The following PEX2 variants were observed in gnomAD, a reference collection of about 807,000 sequenced individuals.
PEX2 encodes the protein peroxisome biogenesis factor 2.
Under a neutral mutation model 25.2 loss-of-function variants are expected in PEX2, and 19 were observed. That is an observed-to-expected ratio of 0.75 (90% confidence interval 0.53 to 1.10). The LOEUF (loss-of-function observed/expected upper bound fraction) is 1.10, where lower values mean the gene tolerates loss of function less well. Among genes scored for constraint, PEX2 ranks in the 50% least tolerant of loss-of-function variants. PEX2 has a pLI of 0.00. For synonymous variants in PEX2, 141 were observed against 127.7 expected (o/e 1.10, Z -0.70); for missense variants, 347 against 350.6 (o/e 0.99, Z 0.08).
intron 1 of PEX2, among the ~76,000 whole-genome samples, chr8:76,997,310 T>C (rs992578921): frequency 6.6e-6 from 1 of 152,214 alleles, no homozygotes; most frequent in Admixed American, 6.5e-5. Flanking sequence ...AACTCATTCA[T>C]CTAACACTAA....
chr8:76,994,629 C>CT (rs34543653), intron 1 of PEX2, among the ~76,000 whole-genome samples: 48,658 of 151,924 alleles, frequency 0.32, 8,328 homozygotes, highest in East Asian at 0.47. Flanking sequence ...GTCCTGTAAA[C>CT]TTTGTCAGCA....
intron 3 of PEX2, among the ~76,000 whole-genome samples, chr8:76,984,621 C>T (rs1450251922): frequency 6.6e-6 from 1 of 152,096 alleles, no homozygotes; most frequent in African/African-American, 2.4e-5. Flanking sequence ...AATACAACAA[C>T]TATATAGAAC....
chr8:76,997,043 T>A (rs1807354167), intron 1 of PEX2, among the ~76,000 whole-genome samples: 1 of 152,178 alleles, frequency 6.6e-6, no homozygotes, highest in Non-Finnish European at 1.5e-5. Flanking sequence ...CCCTTCAAGA[T>A]CATTCAAAAG....
At chr8:76,993,153 C>A (rs1429742943) in intron 1 of PEX2, among the ~76,000 whole-genome samples, 1 of 152,116 alleles carries the variant, frequency 6.6e-6, no homozygotes, top group Non-Finnish European at 1.5e-5. Context: ...GAAGTGTCAA[C>A]CTAGCCACAT....
intron 1 of PEX2, among the ~76,000 whole-genome samples, chr8:76,993,328 T>C (rs1807228834): frequency 6.6e-6 from 1 of 152,210 alleles, no homozygotes; most frequent in African/African-American, 2.4e-5. Flanking sequence ...ACCAGATTTA[T>C]AGGATTCCTG....
rs764109249 is a variant in PEX2 at position 76,983,243 on chromosome 8, A to G, written c.*18T>C. 1.9e-6 allele frequency: 3 copies of G among 1,609,240 alleles called. No homozygotes were observed. In the Admixed American group the frequency reaches 5.0e-5, roughly 27 times the overall value. On this transcript the variant is annotated 3_prime_UTR_variant, in exon 4 of 4. Coordinates refer to ENST00000357039, the MANE Select transcript of PEX2 (RefSeq NM_000318.3). The stretch of plus-strand genomic sequence containing the variant: ...AAACACGGTGCATTTTTTTCCTCAA[A>G]GGAAGCAATTTTAGTTTCTAAAGAG...
intron 1 of PEX2, among the ~76,000 whole-genome samples, chr8:76,997,502 G>C (rs1171363448): frequency 1.3e-5 from 2 of 152,156 alleles, no homozygotes; most frequent in Admixed American, 6.5e-5. Flanking sequence ...TCGGGAGGCA[G>C]AGGTTACAGT....
intron 1 of PEX2, among the ~76,000 whole-genome samples, chr8:76,997,876 T>C (rs1390025068): frequency 1.3e-5 from 2 of 152,096 alleles, no homozygotes; most frequent in Admixed American, 6.6e-5. Flanking sequence ...GTAAAGAAAC[T>C]ACAGGGCTGG....
intron 1 of PEX2, among the ~76,000 whole-genome samples, chr8:76,993,879 T>C (rs1444307364): frequency 6.6e-6 from 1 of 152,174 alleles, no homozygotes; most frequent in Non-Finnish European, 1.5e-5. Context: ...TATATAAAAA[T>C]ATGTAACTAA....
intron 1 of PEX2, among the ~76,000 whole-genome samples, chr8:76,997,402 C>T (rs1415981386): frequency 6.6e-6 from 1 of 152,156 alleles, no homozygotes; most frequent in Non-Finnish European, 1.5e-5. Context: ...AACCCTGTCT[C>T]TACTAAAAAT....
chr8:76,994,017 T>G (rs139627874), intron 1 of PEX2, among the ~76,000 whole-genome samples: 89 of 151,138 alleles, frequency 5.9e-4, no homozygotes, highest in Middle Eastern at 3.4e-3. Context: ...AGGGTTCGTG[T>G]GATTAACTTG....
chr8:76,984,933 C>T (rs887333152), intron 3 of PEX2, among the ~76,000 whole-genome samples: 3 of 151,586 alleles, frequency 2.0e-5, no homozygotes, highest in Admixed American at 6.6e-5. Context: ...AAAATATATA[C>T]CACAATAATG....
Position 76,981,483 on chromosome 8 carries a change from C to T in PEX2, c.*1778G>A, listed in dbSNP as rs1586067422. ...TTCTCACCAAAAACAAACAAACAAA[C>T]AAAAAACAAAGACGTTTGTATATAT... On this transcript the variant is annotated 3_prime_UTR_variant, in exon 4 of 4. Coordinates refer to ENST00000357039, the MANE Select transcript of PEX2 (RefSeq NM_000318.3). The T allele has an allele frequency of 6.6e-6, 1 of 152,028 alleles. No individual in the cohort carries two copies. Among genetic ancestry groups the T allele is most frequent in the East Asian group, 1.9e-4 (1 of 5,176 alleles). The allele number at this position is 152,028 out of a possible 1,614,324, so 9.4% of individuals were successfully genotyped here.
rs1806999622 is a variant in PEX2 at position 76,986,305 on chromosome 8, A to C, written c.-127-9T>G. ...CTCATACTTGCCAGAAGCTACATAC[A>C]AAAAAGAATAAAGTTTAAAAGGGAG... is the stretch of plus-strand genomic sequence containing the variant. On this transcript the variant is annotated splice_polypyrimidine_tract_variant and intron_variant, in intron 2 of 3. Coordinates refer to ENST00000357039, the MANE Select transcript of PEX2 (RefSeq NM_000318.3). 1 of 152,200 alleles carries C rather than the reference A, an allele frequency of 6.6e-6. No individual in the cohort carries two copies. The highest frequency in any genetic ancestry group is 2.1e-4 in the South Asian group (1 of 4,832). The allele number at this position is 152,200 out of a possible 1,614,324, so 9.4% of individuals were successfully genotyped here. A position where few individuals can be genotyped will look rare whatever the true frequency, so the allele number is the denominator to read the frequency against.
intron 1 of PEX2, 54 bp downstream of exon 1, chr8:76,999,936 A>T (rs543954713): frequency 7.4e-5 from 34 of 456,676 alleles, no homozygotes; most frequent in African/African-American, 5.8e-4. Flanking sequence ...ACGACCTCCC[A>T]GCTGAAAACA....
At chr8:76,997,462 G>A (rs1015319440) in intron 1 of PEX2, among the ~76,000 whole-genome samples, 6 of 152,034 alleles carry the variant, frequency 3.9e-5, no homozygotes, top group African/African-American at 1.2e-4. Flanking sequence ...CCAGCTACTC[G>A]GGAGGCTGAG....
intron 1 of PEX2, among the ~76,000 whole-genome samples, chr8:76,991,678 TG>T (rs1807173651): frequency 6.6e-6 from 1 of 152,086 alleles, no homozygotes; most frequent in Admixed American, 6.6e-5. Context: ...TGTCACAGAG[TG>T]GAAAAAGCAG....
At chr8:76,993,435 A>G (rs1406790453) in intron 1 of PEX2, among the ~76,000 whole-genome samples, 1 of 152,124 alleles carries the variant, frequency 6.6e-6, no homozygotes, top group Non-Finnish European at 1.5e-5. Flanking sequence ...GAGGAAGACT[A>G]TACTATCCTT....
intron 1 of PEX2, among the ~76,000 whole-genome samples, chr8:76,998,433 A>G (rs1290344634): frequency 6.6e-6 from 1 of 152,238 alleles, no homozygotes; most frequent in Non-Finnish European, 1.5e-5. Context: ...AATTCTGTTC[A>G]TAAAGAAAAA....
Sources: gnomAD v4.1 joint callset for allele counts (sites outside exome capture counted in the v4.1 genomes callset) on GRCh38, gnomAD v4.1.1 for gene constraint, MANE v1.5 for transcripts, NCBI Gene and HGNC (gene_info 2026-07-23, HGNC 2026-07-21) for gene names.